The following FHOD3 variants were observed in gnomAD, a reference collection of about 807,000 sequenced individuals.
FHOD3 encodes formin homology 2 domain containing 3, also known as FH1/FH2 domain-containing protein 3.
FHOD3 carries 90 observed loss-of-function variants against 173.0 expected under a neutral mutation model. That is an observed-to-expected ratio of 0.52 (90% CI 0.44 to 0.62). The LOEUF is 0.62. Among genes scored for constraint, FHOD3 ranks in the 20% least tolerant of loss-of-function variants. FHOD3 has a pLI of 0.00. For synonymous variants in FHOD3, 828 were observed against 823.0 expected (o/e 1.01, Z -0.10); for missense variants, 1,945 against 2,034.7 (o/e 0.96, Z 0.85).
Position 36,718,188 on chromosome 18 carries a change from G to T in FHOD3, c.2890G>T (p.Val964Phe), listed in dbSNP as rs754948359. 38 of 1,613,572 alleles carry T rather than the reference G, an allele frequency of 2.4e-5. No individual in the cohort carries two copies. The highest frequency in any genetic ancestry group is 3.1e-5 in the Non-Finnish European group (36 of 1,179,784). The stretch of plus-strand genomic sequence containing the variant: ...CCCTGATGCTGAGCCCAATGACAAG[G>T]TCCCAGAAACAGCGCCGGTGCAGCC... ...ISPDAEPNDKVPETAPVQPKT... is the reference protein window; with the variant it reads ...ISPDAEPNDKFPETAPVQPKT... Residue 964 changes from valine to phenylalanine, a missense_variant, in exon 19 of 29, where the codon GTC (valine) becomes TTC (phenylalanine). Val to Phe is a conservative substitution (Grantham distance 50). Transcript: ENST00000590592.
intron 13 of FHOD3, among the ~76,000 whole-genome samples, chr18:36,657,452 C>G (rs1291678798): frequency 6.6e-6 from 1 of 152,162 alleles, no homozygotes; most frequent in Non-Finnish European, 1.5e-5. Context: ...GGAAAATCAT[C>G]AAATCTCATG....
In FHOD3 at chr18:36,515,979, G is replaced by A. The variant is rs1335130506; in HGVS notation, c.511+3436G>A. On this transcript the variant is annotated intron_variant, in intron 5 of 28. Transcript: ENST00000590592. Reference sequence around the variant, plus strand: ...TGTAACCAACCAAAGCTCATACCAGGAAAGTAACTTCTGAGGGATGGAAAT... The same window carrying A: ...TGTAACCAACCAAAGCTCATACCAGAAAAGTAACTTCTGAGGGATGGAAAT... Among the ~76,000 whole-genome samples, 5 of 152,166 alleles carry A rather than the reference G, an allele frequency of 3.3e-5. 1 individual carries two copies. Among genetic ancestry groups the A allele is most frequent in the Admixed American group, 3.3e-4 (5 of 15,282 alleles).
intron 3 of FHOD3, among the ~76,000 whole-genome samples, chr18:36,373,563 G>T (rs2047296060): frequency 6.6e-6 from 1 of 152,222 alleles, no homozygotes; most frequent in Non-Finnish European, 1.5e-5. Context: ...GGAAATCCAT[G>T]TGATTTCACT....
chr18:36,672,108 A>T (rs1034454104), intron 14 of FHOD3, among the ~76,000 whole-genome samples: 1 of 152,144 alleles, frequency 6.6e-6, no homozygotes, highest in Non-Finnish European at 1.5e-5. Flanking sequence ...ATTTTAGGGG[A>T]CAGTGGTATA....
intron 24 of FHOD3, 107 bp from the exon 25 acceptor site, chr18:36,755,010 TTA>T (rs1395746207): frequency 9.0e-6 from 2 of 223,334 alleles, no homozygotes; most frequent in Admixed American, 6.0e-5. Flanking sequence ...ATTATTATTA[TTA>T]TTATTTATTT....
At chr18:36,340,388 C>G (rs2045549857) in intron 1 of FHOD3, among the ~76,000 whole-genome samples, 1 of 152,126 alleles carries the variant, frequency 6.6e-6, no homozygotes, top group Non-Finnish European at 1.5e-5. Flanking sequence ...TTGCAGAAGA[C>G]TAGGAGGTGG....
At chr18:36,687,596 G>A (rs1339290496) in intron 16 of FHOD3, among the ~76,000 whole-genome samples, 1 of 152,068 alleles carries the variant, frequency 6.6e-6, no homozygotes, top group Non-Finnish European at 1.5e-5. Context: ...ACTCTTTCTG[G>A]ATGTGCCTGG....
chr18:36,675,578 C>T (rs2037803470), intron 14 of FHOD3, among the ~76,000 whole-genome samples: 2 of 152,258 alleles, frequency 1.3e-5, no homozygotes, highest in Non-Finnish European at 2.9e-5. Context: ...TGATGGGGTG[C>T]CTTTGGGGCA....
At chr18:36,375,217 A>C (rs2047380618) in intron 3 of FHOD3, among the ~76,000 whole-genome samples, 1 of 152,256 alleles carries the variant, frequency 6.6e-6, no homozygotes, top group Non-Finnish European at 1.5e-5. Context: ...ATTTTGAGTC[A>C]AAATGACAAT....
chr18:36,468,145 G>T (rs1109787), intron 3 of FHOD3, among the ~76,000 whole-genome samples: 74,338 of 151,920 alleles, frequency 0.49, 18,841 homozygotes, highest in South Asian at 0.6. Flanking sequence ...AGCAAGGGTC[G>T]AATGCTGACC....
At chr18:36,612,836 C>G (rs1474943713) in intron 9 of FHOD3, among the ~76,000 whole-genome samples, 1 of 152,192 alleles carries the variant, frequency 6.6e-6, no homozygotes, top group African/African-American at 2.4e-5. Flanking sequence ...ACAGCAGAAA[C>G]AGTACGAAAC....
At chr18:36,577,069 G>C (rs2058681722) in intron 6 of FHOD3, among the ~76,000 whole-genome samples, 1 of 151,564 alleles carries the variant, frequency 6.6e-6, no homozygotes, top group Non-Finnish European at 1.5e-5. Flanking sequence ...CTCCAGCCTG[G>C]GTGATGGAGC....
At chr18:36,493,044 C>T (rs150197046) in intron 3 of FHOD3, among the ~76,000 whole-genome samples, 52 of 152,242 alleles carry the variant, frequency 3.4e-4, no homozygotes, top group African/African-American at 1.2e-3. Context: ...ATCTATGGTA[C>T]CTCTCTGCCT....
intron 3 of FHOD3, among the ~76,000 whole-genome samples, chr18:36,419,565 A>C (rs541906973): frequency 1.3e-5 from 2 of 152,204 alleles, no homozygotes; most frequent in Non-Finnish European, 2.9e-5. Context: ...ACCCTGTAGC[A>C]ACTTGTTACT....
At chr18:36,485,121 A>G (rs2145619944) in intron 3 of FHOD3, among the ~76,000 whole-genome samples, 1 of 148,384 alleles carries the variant, frequency 6.7e-6, no homozygotes, top group South Asian at 2.2e-4. Context: ...GCCAACAAGA[A>G]CTTCATCTCT....
At chr18:36,607,501 C>T (rs187168118) in intron 8 of FHOD3, among the ~76,000 whole-genome samples, 5 of 152,294 alleles carry the variant, frequency 3.3e-5, no homozygotes, top group Admixed American at 3.3e-4. Context: ...TGGTGAATAA[C>T]GCTGGCTCCC....
chr18:36,451,704 G>A (rs1301045548), intron 3 of FHOD3, among the ~76,000 whole-genome samples: 1 of 152,232 alleles, frequency 6.6e-6, no homozygotes, highest in Non-Finnish European at 1.5e-5. Context: ...GGCAAGGCAA[G>A]AGAAGTCATG....
intron 5 of FHOD3, among the ~76,000 whole-genome samples, chr18:36,565,696 G>A (rs2058238343): frequency 6.6e-6 from 1 of 152,024 alleles, no homozygotes; most frequent in African/African-American, 2.4e-5. Context: ...TTCTCAAATG[G>A]CAAAATATCT....
At chr18:36,526,521 G>A (rs1054274724) in intron 5 of FHOD3, among the ~76,000 whole-genome samples, 24 of 151,882 alleles carry the variant, frequency 1.6e-4, no homozygotes, top group Non-Finnish European at 2.2e-4. Flanking sequence ...CGCCTCCTGC[G>A]TTCCAGCGAT....
Sources: allele counts gnomAD v4.1 joint callset (sites outside exome capture counted in the v4.1 genomes callset), GRCh38; gene constraint gnomAD v4.1.1; transcripts MANE v1.5; gene names NCBI Gene and HGNC (gene_info 2026-07-23, HGNC 2026-07-21).